Variants in FGD6 observed in about 807,000 individuals in gnomAD.
FGD6 encodes FYVE, RhoGEF and PH domain-containing protein 6.
FGD6 carries 90 observed loss-of-function variants against 149.4 expected under a neutral mutation model. The observed-to-expected ratio is 0.60, with a 90% CI of 0.51 to 0.72. The LOEUF is 0.72. FGD6 is among the 30% of genes least tolerant of loss of function. The pLI is 0.00. For missense variants in FGD6, 1,437 were observed against 1,684.8 expected (o/e 0.85, Z 2.57); for synonymous variants, 527 against 584.0 (o/e 0.90, Z 1.41).
chr12:95,085,365 A>AC (rs1204034729), intron 19 of FGD6, among the ~76,000 whole-genome samples: 1 of 151,796 alleles, frequency 6.6e-6, no homozygotes, highest in Non-Finnish European at 1.5e-5. Context: ...CAGGCACTCC[A>AC]CTAATATTTG....
Position 95,090,962 on chromosome 12 carries a change from C to T in FGD6, c.3850+745G>A, listed in dbSNP as rs577182715. ...TACTAAAATACAAAAATTAGCCTGG[C>T]GTGGTCACGCGTGCCCGTAATCCCA... On this transcript the variant is annotated intron_variant, in intron 17 of 20. Coordinates refer to ENST00000343958, the MANE Select transcript of FGD6 (RefSeq NM_018351.4). 1.2e-3 allele frequency among the ~76,000 whole-genome samples: 180 copies of T among 152,208 alleles called. 3 individuals carry two copies. Among genetic ancestry groups the T allele is most frequent in the South Asian group, 9.3e-3 (45 of 4,816 alleles).
chr12:95,155,248 C>T (rs527786663), intron 3 of FGD6, among the ~76,000 whole-genome samples: 5 of 152,070 alleles, frequency 3.3e-5, no homozygotes, highest in Admixed American at 6.6e-5. Context: ...GTAATCAGGC[C>T]GGGCGCACTG....
At chr12:95,203,242 T>G (rs765417427) in intron 2 of FGD6, among the ~76,000 whole-genome samples, 22 of 152,326 alleles carry the variant, frequency 1.4e-4, no homozygotes, top group African/African-American at 4.8e-4. Flanking sequence ...AGAAATAATT[T>G]TGAAGTTCAA....
In FGD6 at chr12:95,166,854, C is replaced by CT. The variant is rs60585670; in HGVS notation, c.2586+5745dup. Among the ~76,000 whole-genome samples the CT allele has an allele frequency of 2.1e-3, 222 of 107,746 alleles. 3 individuals are homozygous for CT. The highest frequency in any genetic ancestry group is 0.011 in the East Asian group (44 of 3,956). The allele number at this position is 107,746 out of a possible 152,430, so 70.7% of individuals were successfully genotyped here. A position where few individuals can be genotyped will look rare whatever the true frequency, so the allele number is the denominator to read the frequency against. The stretch of plus-strand genomic sequence containing the variant: ...TTGATTAGTATTTGGGTTCTTTCTA[C>CT]TTTTTTTTTTTTTTTTTTTTGAGTC... On this transcript the variant is annotated intron_variant, in intron 3 of 20. Transcript: ENST00000343958.
chr12:95,212,114 C>T (rs192839867), intron 1 of FGD6, among the ~76,000 whole-genome samples: 26 of 152,248 alleles, frequency 1.7e-4, no homozygotes, highest in African/African-American at 6.3e-4. Flanking sequence ...TCATAATAAA[C>T]CTGGTATTTC....
At chr12:95,176,851 T>TGG (rs1881147780) in intron 2 of FGD6, among the ~76,000 whole-genome samples, 2 of 152,154 alleles carry the variant, frequency 1.3e-5, no homozygotes, top group African/African-American at 4.8e-5. Flanking sequence ...TTTTTTGAGA[T>TGG]GGAGTCTCAC....
intron 2 of FGD6, among the ~76,000 whole-genome samples, chr12:95,198,403 A>G (rs1179834670): frequency 2.0e-5 from 3 of 152,202 alleles, no homozygotes; most frequent in East Asian, 3.9e-4. Context: ...TAATGCTGGC[A>G]TATCGGAAAT....
rs757525900 is a variant in FGD6 at position 95,209,047 on chromosome 12, G to T, written c.2237C>A (p.Pro746Gln). The T allele has an allele frequency of 1.2e-6, 2 of 1,613,858 alleles. No homozygotes were observed. The highest frequency in any genetic ancestry group is 1.3e-5 in the African/African-American group (1 of 74,836). Residue 746 changes from proline to glutamine, a missense_variant, in exon 2 of 21, where the codon CCG becomes CAG. By Grantham distance (76) the Pro-to-Gln change is moderately conservative (BLOSUM62 -1). Coordinates refer to ENST00000343958, the MANE Select transcript of FGD6 (RefSeq NM_018351.4). ...ATAATGGCGTATATTTTCATACTCC[G>T]GTGCACAGAGGCTTGTAACAGACTT... ...PYKSVTSLCA[P>Q]EYENIRHYEE...
rs773401848 is a variant in FGD6 at position 95,078,448 on chromosome 12, A to G, written c.*3072T>C. On this transcript the variant is annotated 3_prime_UTR_variant, in exon 21 of 21. Coordinates refer to ENST00000343958, the MANE Select transcript of FGD6 (RefSeq NM_018351.4). Reference sequence around the variant, plus strand: ...CTTTCCCCACATCTAGATATATTCTATGAACCAAATATAAAATACACATTT... The same window carrying G: ...CTTTCCCCACATCTAGATATATTCTGTGAACCAAATATAAAATACACATTT... 8 of 152,250 alleles carry G rather than the reference A, an allele frequency of 5.3e-5. No homozygotes were observed. The highest frequency in any genetic ancestry group is 1.0e-4 in the Non-Finnish European group (7 of 68,050). The allele number at this position is 152,250 out of a possible 1,614,324, so 9.4% of individuals were successfully genotyped here. A position where few individuals can be genotyped will look rare whatever the true frequency, so the allele number is the denominator to read the frequency against.
chr12:95,145,650 C>T (rs1879990407), intron 5 of FGD6, among the ~76,000 whole-genome samples: 1 of 152,094 alleles, frequency 6.6e-6, no homozygotes, highest in Non-Finnish European at 1.5e-5. Flanking sequence ...TCCACTACTG[C>T]AAAATCCCAT....
intron 5 of FGD6, among the ~76,000 whole-genome samples, chr12:95,142,037 C>A (rs1329019287): frequency 1.3e-5 from 2 of 152,114 alleles, no homozygotes; most frequent in South Asian, 2.1e-4. Flanking sequence ...TGTGGGTCTC[C>A]CTCTGTCATC....
intron 2 of FGD6, among the ~76,000 whole-genome samples, chr12:95,181,172 A>C (rs1361044067): frequency 6.6e-6 from 1 of 152,222 alleles, no homozygotes; most frequent in Non-Finnish European, 1.5e-5. Flanking sequence ...AAAGAAAAAA[A>C]GAAGTCAGTA....
chr12:95,122,165 A>T (rs7308047), intron 8 of FGD6, among the ~76,000 whole-genome samples: 1 of 151,986 alleles, frequency 6.6e-6, no homozygotes, highest in African/African-American at 2.4e-5. Context: ...CATTTTGACA[A>T]GTAACAATAA....
chr12:95,157,713 A>T, intron 3 of FGD6, among the ~76,000 whole-genome samples: 1 of 152,106 alleles, frequency 6.6e-6, no homozygotes, highest in Non-Finnish European at 1.5e-5. Flanking sequence ...TTTTCATGCT[A>T]CTTTACCTTA....
intron 8 of FGD6, among the ~76,000 whole-genome samples, chr12:95,131,262 C>T (rs561008715): frequency 6.6e-6 from 1 of 152,076 alleles, no homozygotes; most frequent in African/African-American, 2.4e-5. Flanking sequence ...GCATGTGCCA[C>T]CATGCCTGGC....
chr12:95,085,547 C>T, intron 19 of FGD6: 1 of 517,438 alleles, frequency 1.9e-6, no homozygotes, highest in African/African-American at 2.0e-5. Context: ...ACACGACACA[C>T]ACAAAAATTG....
chr12:95,143,119 T>C (rs1879901333), intron 5 of FGD6, among the ~76,000 whole-genome samples: 1 of 152,070 alleles, frequency 6.6e-6, no homozygotes, highest in African/African-American at 2.4e-5. Context: ...AAAGCAAAGT[T>C]TGGGTAAATG....
At chr12:95,160,361 C>T (rs1247494329) in intron 3 of FGD6, among the ~76,000 whole-genome samples, 1 of 151,980 alleles carries the variant, frequency 6.6e-6, no homozygotes, top group Non-Finnish European at 1.5e-5. Context: ...AATAAAAAAA[C>T]AAACAAACAG....
At chr12:95,135,680 G>A (rs567801605) in intron 7 of FGD6, among the ~76,000 whole-genome samples, 1 of 152,308 alleles carries the variant, frequency 6.6e-6, no homozygotes, top group African/African-American at 2.4e-5. Flanking sequence ...GCGCAAGTTG[G>A]TTGATAAGTT....
Sources: gnomAD v4.1 joint callset for allele counts (sites outside exome capture counted in the v4.1 genomes callset) on GRCh38, gnomAD v4.1.1 for gene constraint, MANE v1.5 for transcripts, NCBI Gene and HGNC (gene_info 2026-07-23, HGNC 2026-07-21) for gene names.